Variants in NEO1 observed in about 807,000 individuals in gnomAD.
NEO1 encodes the protein neogenin.
NEO1 carries 63 observed loss-of-function variants against 159.7 expected under a neutral mutation model. The observed-to-expected ratio is 0.39, with a 90% confidence interval of 0.32 to 0.49. The LOEUF is 0.49. Ranked by LOEUF, NEO1 falls within the 20% of genes least tolerant of loss-of-function variation. The pLI is 0.85. For synonymous variants in NEO1, 633 were observed against 662.0 expected (o/e 0.96, Z 0.67); for missense variants, 1,615 against 1,831.0 (o/e 0.88, Z 2.15).
chr15:73,274,098 A>G (rs903700712), intron 20 of NEO1, 93 bp downstream of exon 20: 1 of 1,191,656 alleles, frequency 8.4e-7, no homozygotes, highest in Non-Finnish European at 1.2e-6. Flanking sequence ...TGTGGATAGT[A>G]TATGAAGTCT....
chr15:73,094,355 A>G (rs1040948703), intron 1 of NEO1, among the ~76,000 whole-genome samples: 1 of 152,190 alleles, frequency 6.6e-6, no homozygotes, highest in African/African-American at 2.4e-5. Context: ...ACTTAGCATG[A>G]TGTTTTCAAG....
At chr15:73,158,222 T>TC (rs1309622912) in intron 5 of NEO1, among the ~76,000 whole-genome samples, 28 of 149,714 alleles carry the variant, frequency 1.9e-4, no homozygotes, top group African/African-American at 6.8e-4. Context: ...TTTTTTTTTT[T>TC]TTTTTTTTTT....
At chr15:73,170,890 G>T (rs563534696) in intron 5 of NEO1, among the ~76,000 whole-genome samples, 1 of 151,762 alleles carries the variant, frequency 6.6e-6, no homozygotes. Flanking sequence ...ATTTTGCACC[G>T]CCTGATGGGC....
At chr15:73,201,476 C>T (rs2036884245) in intron 7 of NEO1, among the ~76,000 whole-genome samples, 1 of 151,946 alleles carries the variant, frequency 6.6e-6, no homozygotes. Flanking sequence ...TATTTTATGT[C>T]CCAGATGTTG....
At chr15:73,269,896 T>C in intron 16 of NEO1, 114 bp from the exon 17 acceptor site, 1 of 840,312 alleles carries the variant, frequency 1.2e-6, no homozygotes, top group South Asian at 1.7e-5. Context: ...GAATTTTCTT[T>C]CTTTTTCTCC....
intron 7 of NEO1, among the ~76,000 whole-genome samples, chr15:73,216,815 G>A (rs2037915409): frequency 1.3e-5 from 2 of 152,142 alleles, no homozygotes; most frequent in South Asian, 4.1e-4. Flanking sequence ...ATTCATTGTA[G>A]ATTCTGGATA....
chr15:73,114,717 A>G (rs977690002), intron 1 of NEO1, among the ~76,000 whole-genome samples: 19 of 152,290 alleles, frequency 1.2e-4, no homozygotes, highest in East Asian at 9.7e-4. Flanking sequence ...CAGTAATACA[A>G]TATTTCAGAT....
chr15:73,117,020 A>G (rs749338106), intron 2 of NEO1, among the ~76,000 whole-genome samples, 163 bp downstream of exon 2: 2 of 152,176 alleles, frequency 1.3e-5, no homozygotes, highest in Non-Finnish European at 2.9e-5. Context: ...ACCTTGCTGT[A>G]GGGCTTGCTC....
intron 7 of NEO1, among the ~76,000 whole-genome samples, chr15:73,229,456 T>G (rs1256662141): frequency 6.6e-6 from 1 of 151,764 alleles, no homozygotes; most frequent in Non-Finnish European, 1.5e-5. Flanking sequence ...TAGTTGTTTT[T>G]TTTTTTTTCA....
At chr15:73,102,290 C>T (rs1013677908) in intron 1 of NEO1, among the ~76,000 whole-genome samples, 10 of 151,916 alleles carry the variant, frequency 6.6e-5, no homozygotes, top group Non-Finnish European at 1.3e-4. Flanking sequence ...CGCTTGAACC[C>T]GGGAGGCAGA....
chr15:73,165,095 T>C (rs2034478104), intron 5 of NEO1, among the ~76,000 whole-genome samples: 1 of 130,080 alleles, frequency 7.7e-6, no homozygotes, highest in African/African-American at 3.3e-5. Context: ...CCTGGCCAAT[T>C]TTTTTTTTTT....
intron 1 of NEO1, among the ~76,000 whole-genome samples, chr15:73,083,968 T>G (rs2069213591): frequency 1.3e-5 from 2 of 152,160 alleles, no homozygotes; most frequent in Non-Finnish European, 2.9e-5. Flanking sequence ...TTTTCATTTA[T>G]TTTTTATTTT....
In NEO1 at chr15:73,260,497, G is replaced by A. The variant is rs549349679; in HGVS notation, c.2398+32G>A. The stretch of plus-strand genomic sequence containing the variant: ...TTGCTAAGTAGAGAAAGTTAATTGT[G>A]TGGGAGATTCCTTTCTTTTTAACCT... On this transcript the variant is annotated intron_variant, in intron 15 of 28. Transcript: ENST00000261908. 2.7e-6 allele frequency: 4 copies of A among 1,472,164 alleles called. No individual in the cohort carries two copies. The East Asian group carries it at 9.3e-5, about 34-fold the overall frequency. The allele number at this position is 1,472,164 out of a possible 1,614,324, so 91.2% of individuals were successfully genotyped here.
intron 1 of NEO1, among the ~76,000 whole-genome samples, chr15:73,108,511 C>T (rs907216680): frequency 6.6e-6 from 1 of 152,136 alleles, no homozygotes; most frequent in Non-Finnish European, 1.5e-5. Flanking sequence ...TTGGCCCAGG[C>T]ACCTTTCCTA....
chr15:73,301,668 C>G (rs991234453), intron 28 of NEO1: 8 of 615,176 alleles, frequency 1.3e-5, no homozygotes. Flanking sequence ...TTTCCCATAT[C>G]CACTCTTTTT....
intron 1 of NEO1, among the ~76,000 whole-genome samples, chr15:73,090,066 T>C (rs2069596241): frequency 6.6e-6 from 1 of 152,176 alleles, no homozygotes; most frequent in African/African-American, 2.4e-5. Context: ...ACTAATAGCA[T>C]GGAGAACTAT....
At chr15:73,129,912 A>C (rs2030859950) in intron 4 of NEO1, among the ~76,000 whole-genome samples, 1 of 152,232 alleles carries the variant, frequency 6.6e-6, no homozygotes, top group African/African-American at 2.4e-5. Context: ...AAACAAACAT[A>C]AGAAGACTCT....
intron 5 of NEO1, among the ~76,000 whole-genome samples, chr15:73,152,493 C>T (rs900745891): frequency 6.6e-6 from 1 of 152,044 alleles, no homozygotes; most frequent in African/African-American, 2.4e-5. Context: ...CCTACCTCAC[C>T]CTACACATTT....
intron 1 of NEO1, among the ~76,000 whole-genome samples, chr15:73,113,257 T>G (rs1319592303): frequency 1.3e-5 from 2 of 152,042 alleles, no homozygotes; most frequent in Non-Finnish European, 2.9e-5. Context: ...TAAGTCTTAG[T>G]GTGGAAAGGA....
Sources: gnomAD v4.1 joint callset for allele counts (sites outside exome capture counted in the v4.1 genomes callset) on GRCh38, gnomAD v4.1.1 for gene constraint, MANE v1.5 for transcripts, NCBI Gene and HGNC (gene_info 2026-07-23, HGNC 2026-07-21) for gene names.